The following EVI5 variants were observed in gnomAD, a reference collection of about 807,000 sequenced individuals.
EVI5 encodes the protein ecotropic viral integration site 5.
A neutral mutation model predicts 112.0 loss-of-function variants in EVI5; 73 were observed. The ratio of observed to expected loss-of-function variants is 0.65; its 90% confidence interval spans 0.54 to 0.79. EVI5 has a LOEUF of 0.79. EVI5 is among the 30% of genes least tolerant of loss of function. The probability of loss-of-function intolerance (pLI) is 0.00; values close to 1 mark genes in which losing one functional copy is unlikely to be tolerated. For synonymous variants in EVI5, 305 were observed against 319.9 expected (o/e 0.95, Z 0.50); for missense variants, 900 against 968.8 (o/e 0.93, Z 0.94).
chr1:92,628,667 C>T (rs1051931185), intron 14 of EVI5, among the ~76,000 whole-genome samples: 1 of 152,132 alleles, frequency 6.6e-6, no homozygotes, highest in Admixed American at 6.5e-5. Flanking sequence ...ACCAAGAGAT[C>T]CAAAATGAGG....
At chr1:92,663,297 A>T (rs10747450) in intron 12 of EVI5, 123 bp downstream of exon 12, 1 of 471,422 alleles carries the variant, frequency 2.1e-6, no homozygotes, top group Non-Finnish European at 3.7e-6. Flanking sequence ...ACCACCCAAA[A>T]AATTATTTCT....
chr1:92,688,394 C>G (rs1668919035), intron 9 of EVI5, among the ~76,000 whole-genome samples: 1 of 152,078 alleles, frequency 6.6e-6, no homozygotes, highest in African/African-American at 2.4e-5. Flanking sequence ...ATAAAGAAAA[C>G]TTCCATTTTT....
intron 1 of EVI5, among the ~76,000 whole-genome samples, chr1:92,741,434 C>A (rs115885410): frequency 6.6e-6 from 1 of 152,114 alleles, no homozygotes; most frequent in Non-Finnish European, 1.5e-5. Flanking sequence ...ACCACAATGA[C>A]CTTTATTTTT....
At chr1:92,767,836 T>C (rs1319111828) in intron 1 of EVI5, among the ~76,000 whole-genome samples, 1 of 152,204 alleles carries the variant, frequency 6.6e-6, no homozygotes, top group Non-Finnish European at 1.5e-5. Context: ...TCCCAGCACC[T>C]TGGGAGGCCA....
At chr1:92,728,742 A>G (rs1247751486) in intron 2 of EVI5, among the ~76,000 whole-genome samples, 1 of 152,220 alleles carries the variant, frequency 6.6e-6, no homozygotes, top group Admixed American at 6.5e-5. Context: ...TTAAACAGAA[A>G]GTTCCAGAAG....
At position 92,544,143 on chromosome 1, in the gene EVI5, G is replaced by T. The variant is rs116001780; in HGVS notation, c.2166+19499C>A. On this transcript the variant is annotated intron_variant, in intron 19 of 19. Transcript: ENST00000684568. ...ATTGGGAAATGTGTAGAGACAGAAAGTAGATTAGTGGGTTGCCTAGGGTTG... is the reference window on the plus strand; with the variant it reads ...ATTGGGAAATGTGTAGAGACAGAAATTAGATTAGTGGGTTGCCTAGGGTTG... 7.3e-3 allele frequency among the ~76,000 whole-genome samples: 1,107 copies of T among 152,304 alleles called. 13 individuals carry two copies. The highest frequency in any genetic ancestry group is 0.025 in the African/African-American group (1,052 of 41,554).
At chr1:92,666,847 TTTC>T (rs767927894) in intron 10 of EVI5, among the ~76,000 whole-genome samples, 3 of 152,270 alleles carry the variant, frequency 2.0e-5, no homozygotes, top group South Asian at 2.1e-4. Context: ...AATCAAATAT[TTTC>T]TTATGTGTTT....
intron 1 of EVI5, among the ~76,000 whole-genome samples, chr1:92,782,829 G>A (rs1441250520): frequency 6.6e-6 from 1 of 151,456 alleles, no homozygotes; most frequent in Non-Finnish European, 1.5e-5. Flanking sequence ...TTTTGTTTTT[G>A]TTTTTTTTGA....
In EVI5 at chr1:92,621,447, G is replaced by C. The variant is rs1239244484; in HGVS notation, c.1827+2729C>G. The stretch of plus-strand genomic sequence containing the variant: ...CTGCCTCAGCCTCCCGAATAGCTGG[G>C]ACTACAGGCATGTGCCACCACACCT... On this transcript the variant is annotated intron_variant, in intron 16 of 19. Transcript: ENST00000684568. 3.9e-5 allele frequency among the ~76,000 whole-genome samples: 6 copies of C among 152,196 alleles called. No individual in the cohort carries two copies. The East Asian group carries it at 1.2e-3, about 29-fold the overall frequency.
chr1:92,577,130 C>T (rs1671207507), intron 18 of EVI5, among the ~76,000 whole-genome samples: 1 of 152,160 alleles, frequency 6.6e-6, no homozygotes, highest in Non-Finnish European at 1.5e-5. Context: ...CCAAATCAGC[C>T]TCTATACATG....
intron 9 of EVI5, among the ~76,000 whole-genome samples, chr1:92,677,625 G>A (rs1201503181): frequency 6.6e-6 from 1 of 152,036 alleles, no homozygotes. Flanking sequence ...TGAGGGAAAG[G>A]GGACAACTCT....
In EVI5 at chr1:92,511,352, G is replaced by A. The variant is rs1449630716; in HGVS notation, c.*2304C>T. The A allele has an allele frequency of 6.6e-6, 1 of 152,462 alleles. No individual in the cohort carries two copies. Among genetic ancestry groups the A allele is most frequent in the Non-Finnish European group, 1.5e-5 (1 of 68,278 alleles). The allele number at this position is 152,462 out of a possible 1,614,324, so 9.4% of individuals were successfully genotyped here. ...TAGTCCCAGCTACTTGGGAGCTGAG[G>A]CAGGAGAATCGCTTGAACCCGGGAG... is the stretch of plus-strand genomic sequence containing the variant. On this transcript the variant is annotated 3_prime_UTR_variant, in exon 20 of 20. Coordinates refer to ENST00000684568, the MANE Select transcript of EVI5 (RefSeq NM_001350197.2).
chr1:92,745,263 A>G (rs1679094879), intron 1 of EVI5, among the ~76,000 whole-genome samples: 1 of 151,984 alleles, frequency 6.6e-6, no homozygotes, highest in African/African-American at 2.4e-5. Context: ...CTGCAAAACA[A>G]ATTCTGAGAA....
At chr1:92,564,349 G>A (rs183587452) in intron 18 of EVI5, among the ~76,000 whole-genome samples, 19 of 152,098 alleles carry the variant, frequency 1.2e-4, no homozygotes, top group Admixed American at 1.2e-3. Flanking sequence ...ATACCGTAAG[G>A]GATTCAATAC....
chr1:92,648,886 T>C (rs1037074098), intron 13 of EVI5, among the ~76,000 whole-genome samples: 4 of 152,346 alleles, frequency 2.6e-5, no homozygotes, highest in African/African-American at 9.6e-5. Flanking sequence ...GGTACATACC[T>C]CTGAGTTGAA....
At chr1:92,553,668 A>G (rs1393212828) in intron 19 of EVI5, among the ~76,000 whole-genome samples, 1 of 152,094 alleles carries the variant, frequency 6.6e-6, no homozygotes, top group African/African-American at 2.4e-5. Flanking sequence ...TCCTGGGCTC[A>G]TGCAATCAGC....
rs745612313 is a variant in EVI5, at chr1:92,624,207, A to C, written c.1796T>G (p.Ile599Arg). ...TTCCATTTCCATCATCCTTTGTTTT[A>C]TTTCTCTTATTTCTGCTTGTGTTTC... ...EAETQAEIRE[I>R]KQRMMEMETQ... Residue 599 changes from isoleucine (I) to arginine (R), a missense_variant, in exon 16 of 20, where the codon ATA (isoleucine) becomes AGA (arginine). Ile to Arg is a moderately conservative substitution (Grantham distance 97). Transcript: ENST00000684568. The C allele has an allele frequency of 6.2e-7, 1 of 1,613,482 alleles. No individual in the cohort carries two copies. Among genetic ancestry groups the C allele is most frequent in the South Asian group, 1.1e-5 (1 of 91,070 alleles).
At chr1:92,592,541 C>G (rs1674145501) in intron 18 of EVI5, among the ~76,000 whole-genome samples, 1 of 152,166 alleles carries the variant, frequency 6.6e-6, no homozygotes, top group Non-Finnish European at 1.5e-5. Flanking sequence ...CATTCAAAAA[C>G]TAGCAGAAGG....
intron 6 of EVI5, 103 bp downstream of exon 6, chr1:92,697,757 A>G: frequency 1.1e-6 from 1 of 922,734 alleles, no homozygotes; most frequent in Non-Finnish European, 1.7e-6. Flanking sequence ...TACTTCTTCA[A>G]GTGCTTTAAT....
Sources: gnomAD v4.1 joint callset for allele counts (sites outside exome capture counted in the v4.1 genomes callset) on GRCh38, gnomAD v4.1.1 for gene constraint, MANE v1.5 for transcripts, NCBI Gene and HGNC (gene_info 2026-07-23, HGNC 2026-07-21) for gene names.